Variants in ABLIM1 observed in about 807,000 individuals in gnomAD.
ABLIM1 encodes actin-binding LIM protein 1.
A neutral mutation model predicts 107.0 loss-of-function variants in ABLIM1; 40 were observed. The ratio of observed to expected loss-of-function variants is 0.37; its 90% CI spans 0.29 to 0.49. ABLIM1 has a LOEUF of 0.49. Among genes scored for constraint, ABLIM1 ranks in the 20% least tolerant of loss-of-function variants. The pLI is 0.97. For missense variants in ABLIM1, 857 were observed against 1,008.5 expected, an observed-to-expected ratio of 0.85 and a Z score of 2.04; for synonymous variants, 357 against 357.3, an observed-to-expected ratio of 1.00 and a Z score of 0.01.
intron 18 of ABLIM1, 39 bp downstream of exon 18, chr10:114,441,683 G>A: frequency 6.3e-7 from 1 of 1,575,632 alleles, no homozygotes; most frequent in Non-Finnish European, 8.7e-7. Context: ...GCCGAGGTGG[G>A]AGTAAAGGCA....
At chr10:114,603,908 G>A (rs2076221117) in intron 1 of ABLIM1, among the ~76,000 whole-genome samples, 1 of 147,150 alleles carries the variant, frequency 6.8e-6, no homozygotes, top group East Asian at 2.0e-4. Flanking sequence ...AGCCGAGATC[G>A]CACCATTGCA....
intron 2 of ABLIM1, among the ~76,000 whole-genome samples, chr10:114,576,850 G>A (rs535075748): frequency 5.3e-5 from 8 of 152,314 alleles, no homozygotes; most frequent in African/African-American, 1.9e-4. Flanking sequence ...TATGGCCTGA[G>A]TCCATCATGC....
the ABLIM1 span, among the ~76,000 whole-genome samples, chr10:114,786,696 C>A: frequency 6.6e-6 from 1 of 152,244 alleles, no homozygotes; most frequent in Non-Finnish European, 1.5e-5. Flanking sequence ...ATTAAGAAAT[C>A]TGGTTGGCCA....
intron 1 of ABLIM1, among the ~76,000 whole-genome samples, chr10:114,725,673 C>T (rs1004023845): frequency 7.9e-5 from 12 of 151,380 alleles, no homozygotes; most frequent in African/African-American, 2.9e-4. Flanking sequence ...TGGTGCAAAA[C>T]TAATTGCGGT....
chr10:114,519,750 T>C (rs1460866353), intron 6 of ABLIM1, among the ~76,000 whole-genome samples: 1 of 152,170 alleles, frequency 6.6e-6, no homozygotes, highest in Non-Finnish European at 1.5e-5. Context: ...AGATCCCTCA[T>C]ACATGCCATG....
In ABLIM1 at chr10:114,434,201, C is replaced by T. The variant is rs2059139741; in HGVS notation, c.*2059G>A. Reference sequence around the variant, plus strand: ...GGCTAAACTGCAAACTGCAGTGTGGCTTCCAACCAAGCAAGAGCTGGTCTC... The same window carrying T: ...GGCTAAACTGCAAACTGCAGTGTGGTTTCCAACCAAGCAAGAGCTGGTCTC... On this transcript the variant is annotated 3_prime_UTR_variant, in exon 23 of 23. Transcript: ENST00000533213. 1 of 151,970 alleles carries T rather than the reference C, an allele frequency of 6.6e-6. No homozygotes were observed. Among genetic ancestry groups the T allele is most frequent in the East Asian group, 1.9e-4 (1 of 5,168 alleles). 9.4% of individuals were successfully genotyped at this position (151,970 alleles called of 1,614,324 possible).
At chr10:114,442,657 T>C (rs892880978) in intron 17 of ABLIM1, among the ~76,000 whole-genome samples, 2 of 146,156 alleles carry the variant, frequency 1.4e-5, no homozygotes, top group African/African-American at 5.4e-5. Context: ...TTCTAAATCC[T>C]AGTCTTGCTA....
At chr10:114,786,100 C>A in the ABLIM1 span, among the ~76,000 whole-genome samples, 196 of 152,268 alleles carry the variant, frequency 1.3e-3, 1 homozygote, top group Non-Finnish European at 1.6e-3. Context: ...AGCAGAATTA[C>A]ATTCAGTTTT....
intron 4 of ABLIM1, among the ~76,000 whole-genome samples, chr10:114,562,100 T>C (rs892028896): frequency 6.6e-4 from 101 of 152,286 alleles, no homozygotes; most frequent in African/African-American, 2.3e-3. Context: ...TAGAGCAACA[T>C]TGAAATTGCC....
At chr10:114,570,083 T>TA (rs1321029744) in intron 4 of ABLIM1, among the ~76,000 whole-genome samples, 8 of 152,326 alleles carry the variant, frequency 5.3e-5, no homozygotes, top group African/African-American at 1.4e-4. Context: ...ATCTCATCCT[T>TA]ACGTATTAAG....
the ABLIM1 span, among the ~76,000 whole-genome samples, chr10:114,776,553 C>CA: frequency 2.6e-5 from 4 of 152,072 alleles, no homozygotes; most frequent in Non-Finnish European, 5.9e-5. Context: ...GCAGAGGTTG[C>CA]AGTGAGCCTA....
chr10:114,701,921 G>C (rs1001907016), intron 1 of ABLIM1, among the ~76,000 whole-genome samples: 1 of 152,178 alleles, frequency 6.6e-6, no homozygotes. Context: ...AAAAATAAGA[G>C]AGGATGTAGA....
chr10:114,437,369 A>C (rs7907612), intron 22 of ABLIM1, among the ~76,000 whole-genome samples: 7,194 of 144,370 alleles, frequency 0.05, 603 homozygotes, highest in African/African-American at 0.18. Flanking sequence ...CCCAAGCTGG[A>C]GTACAGTGGT....
chr10:114,792,371 T>A, the ABLIM1 span, among the ~76,000 whole-genome samples: 1 of 152,150 alleles, frequency 6.6e-6, no homozygotes, highest in Non-Finnish European at 1.5e-5. Context: ...TGGACACAGG[T>A]TTTGAATTGG....
intron 1 of ABLIM1, among the ~76,000 whole-genome samples, chr10:114,620,635 C>G (rs2077409407): frequency 6.6e-6 from 1 of 152,110 alleles, no homozygotes; most frequent in East Asian, 1.9e-4. Context: ...TGGTCTTGAA[C>G]TCCTGACCTC....
chr10:114,791,399 G>A, the ABLIM1 span, among the ~76,000 whole-genome samples: 16 of 152,290 alleles, frequency 1.1e-4, no homozygotes, highest in African/African-American at 3.1e-4. Flanking sequence ...AGCACTTTGG[G>A]AGGCCAAAGC....
the ABLIM1 span, among the ~76,000 whole-genome samples, chr10:114,783,132 A>G: frequency 0.013 from 2,028 of 152,080 alleles, 55 homozygotes; most frequent in African/African-American, 0.039. Flanking sequence ...AAATACAAAA[A>G]TTAGCTGGGT....
At chr10:114,474,405 G>A (rs2067180118) in intron 8 of ABLIM1, among the ~76,000 whole-genome samples, 1 of 138,484 alleles carries the variant, frequency 7.2e-6, no homozygotes, top group Admixed American at 6.9e-5. Flanking sequence ...TTTTGAGACG[G>A]AGTCTCACTC....
intron 6 of ABLIM1, among the ~76,000 whole-genome samples, chr10:114,530,602 C>T (rs35872390): frequency 1.1e-3 from 171 of 152,244 alleles, no homozygotes; most frequent in Middle Eastern, 3.4e-3. Context: ...AGGGTGATCT[C>T]GGCTTACTGC....
Sources: gnomAD v4.1 joint callset for allele counts (sites outside exome capture counted in the v4.1 genomes callset) on GRCh38, gnomAD v4.1.1 for gene constraint, MANE v1.5 for transcripts, NCBI Gene and HGNC (gene_info 2026-07-23, HGNC 2026-07-21) for gene names.